The following PCDHA8 variants were observed in gnomAD, a reference collection of about 807,000 sequenced individuals.
The protein encoded by PCDHA8 is protocadherin alpha 8, also known as protocadherin alpha-8.
Under a neutral mutation model 61.8 loss-of-function variants are expected in PCDHA8, and 53 were observed. The observed-to-expected ratio is 0.86, with a 90% CI of 0.69 to 1.08. The LOEUF (loss-of-function observed/expected upper bound fraction) is 1.08, where lower values mean the gene tolerates loss of function less well. Among genes scored for constraint, PCDHA8 ranks in the 50% least tolerant of loss-of-function variants. PCDHA8 has a pLI of 0.00. For missense variants in PCDHA8, 1,293 were observed against 1,245.0 expected (o/e 1.04, Z -0.58); for synonymous variants, 618 against 556.6 (o/e 1.11, Z -1.55).
intron 2 of PCDHA8, 148 bp from the exon 3 acceptor site, chr5:140,982,327 C>A: frequency 7.0e-7 from 1 of 1,419,146 alleles, no homozygotes; most frequent in South Asian, 1.4e-5. Context: ...AGGGTGACTG[C>A]TCAGCAGTAA....
At chr5:140,879,268 A>G (rs1289844412) in intron 1 of PCDHA8, among the ~76,000 whole-genome samples, 1 of 152,268 alleles carries the variant, frequency 6.6e-6, no homozygotes, top group East Asian at 1.9e-4. Flanking sequence ...CCAGATAATG[A>G]CAGACTCAAT....
chr5:140,907,491 C>A (rs1554193021), intron 1 of PCDHA8, among the ~76,000 whole-genome samples: 1 of 152,186 alleles, frequency 6.6e-6, no homozygotes, highest in Non-Finnish European at 1.5e-5. Flanking sequence ...AAACCCATAT[C>A]CAGAGTAAGT....
chr5:140,883,747 G>A (rs781812387), intron 1 of PCDHA8: 5 of 1,613,274 alleles, frequency 3.1e-6, no homozygotes, highest in South Asian at 2.2e-5. Context: ...TCTCCTACTC[G>A]CTGGTGGAGC....
intron 1 of PCDHA8, chr5:140,868,845 A>G (rs1242434681): frequency 6.7e-6 from 3 of 451,106 alleles, no homozygotes; most frequent in Non-Finnish European, 7.5e-6. Flanking sequence ...AACACGTGAA[A>G]TTCTGTGGTG....
chr5:140,914,755 T>G (rs1175753765), intron 1 of PCDHA8, among the ~76,000 whole-genome samples: 1 of 152,270 alleles, frequency 6.6e-6, no homozygotes, highest in East Asian at 1.9e-4. Flanking sequence ...CCATTTGAGG[T>G]TACATGAGGT....
rs1554151505 is a variant in PCDHA8 at position 140,858,367 on chromosome 5, C to T, written c.2394+14652C>T. 1.8e-5 allele frequency: 28 copies of T among 1,590,300 alleles called. 2 individuals carry two copies. Among genetic ancestry groups the T allele is most frequent in the Non-Finnish European group, 2.3e-5 (27 of 1,162,754 alleles). On this transcript the variant is annotated intron_variant, in intron 1 of 3. Transcript: ENST00000531613. ...CGGACCTCATGGCCTTCAGCCCCAG[C>T]CTTCCACCATGCCCAATGGTAGATG...
intron 3 of PCDHA8, among the ~76,000 whole-genome samples, chr5:140,989,687 G>A (rs956131200): frequency 2.0e-4 from 31 of 152,176 alleles, no homozygotes; most frequent in African/African-American, 6.3e-4. Flanking sequence ...TCAAAGGAAC[G>A]TGAAAATTTT....
rs782754440 is a variant in PCDHA8, at chr5:140,869,396, A to G, written c.2394+25681A>G. 3.2e-5 allele frequency: 51 copies of G among 1,614,230 alleles called. No homozygotes were observed. The highest frequency in any genetic ancestry group is 1.6e-4 in the Middle Eastern group (1 of 6,062). On this transcript the variant is annotated intron_variant, in intron 1 of 3. Transcript: ENST00000531613. ...ATCGACCGCGAGGAGCTGTGCGGGC[A>G]GAGCGCGGAGTGCAGCATCCACCTG...
In PCDHA8 at chr5:140,982,489, A is replaced by G. The variant is rs782634646; in HGVS notation, c.2468A>G (p.Glu823Gly). The change falls in exon 3 of 4, where the codon GAG (glutamate) becomes GGG (glycine). Residue 823 changes from glutamate to glycine, a missense_variant. By Grantham distance (98) the Glu-to-Gly change is moderately conservative. Transcript: ENST00000531613. ...RAGMHSSVHL[E>G]EAGILRAGPG... ...TGTTTATTCAGCTCTGTGCACCTAG[A>G]GGAGGCTGGCATTCTACGGGCTGGT... 3 of 1,614,066 alleles carry G rather than the reference A, an allele frequency of 1.9e-6. No individual in the cohort carries two copies. The African/African-American group carries it at 4.0e-5, about 22-fold the overall frequency.
chr5:140,970,625 A>C (rs534910839), intron 1 of PCDHA8, among the ~76,000 whole-genome samples: 1 of 152,316 alleles, frequency 6.6e-6, no homozygotes, highest in Non-Finnish European at 1.5e-5. Context: ...CAAAAGCCAA[A>C]ATTTTGTACC....
At chr5:140,870,053 T>C (rs782629825) in intron 1 of PCDHA8, 4 of 1,613,810 alleles carry the variant, frequency 2.5e-6, no homozygotes, top group Middle Eastern at 1.6e-4. Context: ...TTTTATAAAA[T>C]TGAAGTACAG....
chr5:140,841,770 C>A lies in PCDHA8; in HGVS notation c.449C>A (p.Ser150Tyr), dbSNP rs148555729. 329 of 1,613,798 alleles carry A rather than the reference C, an allele frequency of 2.0e-4. 2 individuals carry two copies. The highest frequency in any genetic ancestry group is 3.6e-5 in the Non-Finnish European group (43 of 1,179,882). ...GTTTCAGAATCCAGAATGCCAGACT[C>A]TCGGTTTCCGCTAGAGGGCGCGTCC... ...LFVSESRMPD[S>Y]RFPLEGASDA... The change falls in exon 1 of 4, where the codon TCT becomes TAT. Residue 150 changes from serine (S) to tyrosine (Y), a missense_variant. Transcript: ENST00000531613.
chr5:140,871,137 T>C, intron 1 of PCDHA8: 1 of 1,613,416 alleles, frequency 6.2e-7, no homozygotes, highest in East Asian at 2.2e-5. Flanking sequence ...CAAAGGCCTC[T>C]TCCCGGACTT....
At position 140,852,588 on chromosome 5, in the gene PCDHA8, T is replaced by G. The variant is rs2150519378; in HGVS notation, c.2394+8873T>G. 150 of 881,406 alleles carry G rather than the reference T, an allele frequency of 1.7e-4. 16 individuals are homozygous for G. The highest frequency in any genetic ancestry group is 2.0e-4 in the Non-Finnish European group (145 of 723,694). 54.6% of individuals were successfully genotyped at this position (881,406 alleles called of 1,614,324 possible). A position where few individuals can be genotyped will look rare whatever the true frequency, so the allele number is the denominator to read the frequency against. On this transcript the variant is annotated intron_variant, in intron 1 of 3. Transcript: ENST00000531613. ...ACTGTGCCAAGGCTTTTTTATTTTT[T>G]TTTTTTGTCATTTTCTTTCAAAACT...
intron 1 of PCDHA8, among the ~76,000 whole-genome samples, chr5:140,954,317 G>A (rs571385484): frequency 2.6e-5 from 4 of 152,292 alleles, no homozygotes; most frequent in East Asian, 3.9e-4. Context: ...GGATTGCTGC[G>A]TCAAATGGTA....
chr5:140,927,876 G>A lies in PCDHA8; in HGVS notation c.2395-51073G>A, dbSNP rs782412797. ...TAGCTAGCACCGCTAAACTGCTGGT[G>A]GAGGTGACTGACGTGAACGATCATG... On this transcript the variant is annotated intron_variant, in intron 1 of 3. Transcript: ENST00000531613. The A allele has an allele frequency of 1.9e-6, 3 of 1,614,202 alleles. No individual in the cohort carries two copies. The South Asian group carries it at 3.3e-5, about 18-fold the overall frequency.
chr5:140,907,263 C>T (rs985030606), intron 1 of PCDHA8, among the ~76,000 whole-genome samples: 2 of 152,220 alleles, frequency 1.3e-5, no homozygotes, highest in Admixed American at 1.3e-4. Flanking sequence ...CTTCAAAAGG[C>T]CATTCCATCA....
chr5:140,926,592 C>A, intron 1 of PCDHA8: 1 of 298,858 alleles, frequency 3.3e-6, no homozygotes, highest in Non-Finnish European at 6.1e-6. Context: ...CGCGCCCGGG[C>A]GGGCGGCCTC....
intron 1 of PCDHA8, chr5:140,882,820 C>G (rs782663593): frequency 1.2e-6 from 2 of 1,614,102 alleles, no homozygotes; most frequent in African/African-American, 2.7e-5. Flanking sequence ...ACGCACAAAA[C>G]AGTCTTGAGC....
Sources: gnomAD v4.1 joint callset for allele counts (sites outside exome capture counted in the v4.1 genomes callset) on GRCh38, gnomAD v4.1.1 for gene constraint, MANE v1.5 for transcripts, NCBI Gene and HGNC (gene_info 2026-07-23, HGNC 2026-07-21) for gene names.